The following PNMA6E variants were observed in gnomAD, a reference collection of about 807,000 sequenced individuals.
PNMA6E encodes PNMA family member 6E.
For synonymous variants in PNMA6E, 43 were observed against 17.1 expected, an observed-to-expected ratio of 2.52 and a Z score of -3.74; for missense variants, 78 against 50.8, an observed-to-expected ratio of 1.53 and a Z score of -1.63.
At chrX:153,404,955 C>T (rs2088870451), upstream of PNMA6E, among the ~76,000 whole-genome samples, 1 of 112,620 alleles carries the variant, frequency 8.9e-6, no homozygotes, top group African/African-American at 3.2e-5. Flanking sequence ...GTCCCTCATG[C>T]CATCAGAAGG....
At chrX:153,405,450 G>A (rs1490452123), upstream of PNMA6E, among the ~76,000 whole-genome samples, 1 of 111,362 alleles carries the variant, frequency 9.0e-6, no homozygotes, top group Admixed American at 9.5e-5. Flanking sequence ...ACTGGCAAGC[G>A]TGGCTTCTCA....
chrX:153,410,300 A>G, the PNMA6E span, among the ~76,000 whole-genome samples: 1 of 111,539 alleles, frequency 9.0e-6, no homozygotes, highest in Admixed American at 9.4e-5. Flanking sequence ...CTTTATTTGC[A>G]TATAAGGCCC....
At chrX:153,404,964 G>C (rs782542541), upstream of PNMA6E, among the ~76,000 whole-genome samples, 1 of 112,629 alleles carries the variant, frequency 8.9e-6, no homozygotes, top group Non-Finnish European at 1.9e-5. Flanking sequence ...GCCATCAGAA[G>C]GTTTTGTTGT....
At chrX:153,409,784 C>T in the PNMA6E span, among the ~76,000 whole-genome samples, 3 of 111,960 alleles carry the variant, frequency 2.7e-5, no homozygotes, top group Admixed American at 1.9e-4. Flanking sequence ...TTCCCCTGCC[C>T]GAGGCACACA....
At chrX:153,400,546 C>G (rs1669757599) in intron 1 of PNMA6E, among the ~76,000 whole-genome samples, 1 of 111,904 alleles carries the variant, frequency 8.9e-6, no homozygotes, top group Non-Finnish European at 1.9e-5. Context: ...TCCCCACAGC[C>G]AGGGGCCCGA....
the PNMA6E span, among the ~76,000 whole-genome samples, chrX:153,408,808 C>G: frequency 2.7e-5 from 3 of 112,531 alleles, no homozygotes; most frequent in South Asian, 1.1e-3. Context: ...TGCATGCAGC[C>G]CAAGACCACC....
chrX:153,400,358 C>T (rs1232290383), intron 1 of PNMA6E, among the ~76,000 whole-genome samples: 1 of 112,739 alleles, frequency 8.9e-6, no homozygotes, highest in Non-Finnish European at 1.9e-5. Context: ...CCCCGTGCAC[C>T]CTTAGGCATT....
upstream of PNMA6E, among the ~76,000 whole-genome samples, chrX:153,405,262 C>A (rs1242841533): frequency 8.9e-6 from 1 of 112,425 alleles, no homozygotes; most frequent in African/African-American, 3.2e-5. Context: ...GCCTCTCCAA[C>A]CCATCCTCTC....
chrX:153,403,018 C>A (rs1380789715), upstream of PNMA6E, among the ~76,000 whole-genome samples: 1 of 112,440 alleles, frequency 8.9e-6, no homozygotes, highest in Non-Finnish European at 1.9e-5. Flanking sequence ...CGTGTTTTTT[C>A]TTTGTATTTA....
the PNMA6E span, among the ~76,000 whole-genome samples, chrX:153,411,388 C>T: frequency 9.0e-6 from 1 of 111,451 alleles, no homozygotes; most frequent in African/African-American, 3.2e-5. Flanking sequence ...GGGCGCGGGG[C>T]GGGCCGCCAT....
chrX:153,409,269 C>A, the PNMA6E span, among the ~76,000 whole-genome samples: 1 of 113,132 alleles, frequency 8.8e-6, no homozygotes, highest in Non-Finnish European at 1.9e-5. Flanking sequence ...GAAAGGGGAC[C>A]TCCCCACTTC....
upstream of PNMA6E, among the ~76,000 whole-genome samples, chrX:153,401,894 G>A (rs185081972): frequency 1.0e-4 from 9 of 87,091 alleles, no homozygotes; most frequent in South Asian, 6.1e-4. Context: ...GCGCAATTTC[G>A]GCTCACTGCA....
intron 1 of PNMA6E, 116 bp from the exon 2 acceptor site, chrX:153,399,036 T>G (rs782259321): frequency 3.6e-4 from 104 of 286,960 alleles, no homozygotes; most frequent in Non-Finnish European, 4.8e-4. Flanking sequence ...CTCCTTGTTT[T>G]GTCGCTTTGA....
At chrX:153,410,090 G>C in the PNMA6E span, among the ~76,000 whole-genome samples, 1 of 111,202 alleles carries the variant, frequency 9.0e-6, no homozygotes, top group African/African-American at 3.3e-5. Context: ...CGCTTCCTCC[G>C]GTGGCTCTGG....
chrX:153,403,570 T>A (rs1406404763), upstream of PNMA6E, among the ~76,000 whole-genome samples: 1 of 111,858 alleles, frequency 8.9e-6, no homozygotes, highest in Non-Finnish European at 1.9e-5. Flanking sequence ...TCAAGGAACA[T>A]CTATAGTTTC....
At chrX:153,401,026 G>T (rs895616473) in intron 1 of PNMA6E, among the ~76,000 whole-genome samples, 1 of 109,501 alleles carries the variant, frequency 9.1e-6, no homozygotes, top group East Asian at 2.9e-4. Context: ...CCGCCCTCCC[G>T]AGGGGGCCTT....
the PNMA6E span, among the ~76,000 whole-genome samples, chrX:153,409,925 G>T: frequency 8.9e-6 from 1 of 112,267 alleles, no homozygotes; most frequent in African/African-American, 3.2e-5. Context: ...AGGTCCCCCC[G>T]CCCCCTGCCT....
chrX:153,396,863 C>T lies in PNMA6E; in HGVS notation c.*43G>A, dbSNP rs1248234422. 3 of 297,774 alleles carry T rather than the reference C, an allele frequency of 1.0e-5. No homozygotes were observed. Among genetic ancestry groups the T allele is most frequent in the Non-Finnish European group, 1.8e-5 (3 of 170,306 alleles). The allele number at this position is 297,774 out of a possible 1,213,427, so 24.5% of individuals were successfully genotyped here. A position where few individuals can be genotyped will look rare whatever the true frequency, so the allele number is the denominator to read the frequency against. On this transcript the variant is annotated 3_prime_UTR_variant, in exon 2 of 2. Coordinates refer to ENST00000445091, the MANE Select transcript of PNMA6E (RefSeq NM_001367770.1). ...GCCTGGCCTCTGTCTGCCTCCAAGGCGCTGCTGCCTGAGAGGAGAGGAGGC... is the reference window on the plus strand; with the variant it reads ...GCCTGGCCTCTGTCTGCCTCCAAGGTGCTGCTGCCTGAGAGGAGAGGAGGC...
the PNMA6E span, among the ~76,000 whole-genome samples, chrX:153,412,059 C>T: frequency 1.8e-5 from 2 of 113,048 alleles, no homozygotes; most frequent in African/African-American, 3.2e-5. Flanking sequence ...GCTGGGCAGA[C>T]TGGCATTGTG....
Sources: gnomAD v4.1 joint callset for allele counts (sites outside exome capture counted in the v4.1 genomes callset) on GRCh38, gnomAD v4.1.1 for gene constraint, MANE v1.5 for transcripts, NCBI Gene and HGNC (gene_info 2026-07-23, HGNC 2026-07-21) for gene names.